The following NOS1AP variants were observed in gnomAD, a reference collection of about 807,000 sequenced individuals.
NOS1AP encodes carboxyl-terminal PDZ ligand of neuronal nitric oxide synthase protein.
In NOS1AP, 21 loss-of-function variants were observed where a neutral mutation model predicts 56.2. That is an observed-to-expected ratio of 0.37 (90% CI 0.26 to 0.54). The LOEUF is 0.54. Among genes scored for constraint, NOS1AP ranks in the 20% least tolerant of loss-of-function variants. NOS1AP has a pLI of 0.84. For synonymous variants in NOS1AP, 270 were observed against 274.6 expected (o/e 0.98, Z 0.17); for missense variants, 522 against 657.8 (o/e 0.79, Z 2.26).
chr1:162,221,532 G>A (rs867667264), intron 2 of NOS1AP, among the ~76,000 whole-genome samples: 6,525 of 132,744 alleles, frequency 0.049, 247 homozygotes, highest in African/African-American at 0.12. Flanking sequence ...ACACACACGC[G>A]CGCACACACA....
chr1:162,252,213 A>AT lies in NOS1AP; in HGVS notation c.178-35126dup, dbSNP rs530351339. Among the ~76,000 whole-genome samples, 417 of 151,942 alleles carry AT rather than the reference A, an allele frequency of 2.7e-3. 1 individual carries two copies. The highest frequency in any genetic ancestry group is 9.7e-3 in the African/African-American group (403 of 41,430). On this transcript the variant is annotated intron_variant, in intron 2 of 9. Transcript: ENST00000361897. ...AGGTGTGTGCTACCATGTCCAGCTA[A>AT]TTTTTGTATTTTTTATAGAGAGGAG... is the stretch of plus-strand genomic sequence containing the variant.
Position 162,141,024 on chromosome 1 carries a change from G to A in NOS1AP, c.106-13381G>A, listed in dbSNP as rs142591828. ...TGATTTAAGTTATTAAGCCTTTGTC[G>A]GATGCAAAGTTTGCAAATATTTACT... is the stretch of plus-strand genomic sequence containing the variant. On this transcript the variant is annotated intron_variant, in intron 1 of 9. Transcript: ENST00000361897. 5.8e-3 allele frequency among the ~76,000 whole-genome samples: 887 copies of A among 152,018 alleles called. 11 individuals are homozygous for A. Among genetic ancestry groups the A allele is most frequent in the African/African-American group, 0.021 (855 of 41,448 alleles).
At chr1:162,217,332 C>T (rs1163396268) in intron 2 of NOS1AP, among the ~76,000 whole-genome samples, 1 of 129,906 alleles carries the variant, frequency 7.7e-6, no homozygotes. Context: ...GGCACGATCT[C>T]GGCTCACTGC....
rs141331667 is a variant in NOS1AP, at chr1:162,369,188, G to A, written c.*1721G>A. 37 of 152,330 alleles carry A rather than the reference G, an allele frequency of 2.4e-4. No individual in the cohort carries two copies. The highest frequency in any genetic ancestry group is 8.7e-4 in the African/African-American group (36 of 41,568). 9.4% of individuals were successfully genotyped at this position (152,330 alleles called of 1,614,324 possible). On this transcript the variant is annotated 3_prime_UTR_variant, in exon 10 of 10. Transcript: ENST00000361897. ...GGAAAAGAACGAGGATCTCCAGGGT[G>A]TTTGAATCAGCAACAGATTTGTGTT... is the stretch of plus-strand genomic sequence containing the variant.
chr1:162,114,854 A>G (rs1332158421), intron 1 of NOS1AP, among the ~76,000 whole-genome samples: 1 of 152,142 alleles, frequency 6.6e-6, no homozygotes, highest in Middle Eastern at 3.2e-3. Flanking sequence ...CCGTGACTAA[A>G]TCGGAAGTTG....
At chr1:162,229,941 C>A (rs558959692) in intron 2 of NOS1AP, among the ~76,000 whole-genome samples, 1 of 151,878 alleles carries the variant, frequency 6.6e-6, no homozygotes, top group East Asian at 1.9e-4. Flanking sequence ...AGAAATCATA[C>A]CTGTAATTTG....
intron 1 of NOS1AP, among the ~76,000 whole-genome samples, chr1:162,102,149 G>T (rs1254279075): frequency 6.6e-6 from 1 of 152,064 alleles, no homozygotes; most frequent in Admixed American, 6.6e-5. Flanking sequence ...AGTTTTTAAC[G>T]TGAAGGTATG....
intron 3 of NOS1AP, among the ~76,000 whole-genome samples, chr1:162,289,492 T>TTTAGAC (rs1655216129): frequency 8.1e-6 from 1 of 123,498 alleles, no homozygotes; most frequent in African/African-American, 3.1e-5. Flanking sequence ...TTTTTTTTTT[T>TTTAGAC]GAGACGGAGT....
chr1:162,268,263 A>G (rs925017684), intron 2 of NOS1AP, among the ~76,000 whole-genome samples: 3 of 151,876 alleles, frequency 2.0e-5, no homozygotes, highest in Non-Finnish European at 2.9e-5. Context: ...ATAGGAAAAA[A>G]AAAAAAAAAG....
chr1:162,122,521 T>C (rs1160617846), intron 1 of NOS1AP, among the ~76,000 whole-genome samples: 3 of 151,846 alleles, frequency 2.0e-5, no homozygotes, highest in African/African-American at 7.2e-5. Context: ...TTTTTTTTTT[T>C]TTTTGAGACA....
At chr1:162,335,311 G>A (rs1225085090) in intron 5 of NOS1AP, among the ~76,000 whole-genome samples, 1 of 152,216 alleles carries the variant, frequency 6.6e-6, no homozygotes, top group Non-Finnish European at 1.5e-5. Context: ...GTCAGCCTGG[G>A]CGTTGAGCCC....
At chr1:162,311,538 A>G (rs1656026720) in intron 4 of NOS1AP, among the ~76,000 whole-genome samples, 1 of 150,782 alleles carries the variant, frequency 6.6e-6, no homozygotes, top group African/African-American at 2.4e-5. Context: ...TGTGTCCAAG[A>G]CCTTTCTTTT....
intron 1 of NOS1AP, among the ~76,000 whole-genome samples, chr1:162,093,512 T>C (rs913239369): frequency 6.6e-6 from 1 of 152,222 alleles, no homozygotes; most frequent in African/African-American, 2.4e-5. Flanking sequence ...TGTCTCTCTC[T>C]CAGGCTACAT....
chr1:162,351,970 A>G (rs1657512135), intron 6 of NOS1AP, among the ~76,000 whole-genome samples: 1 of 151,876 alleles, frequency 6.6e-6, no homozygotes, highest in Non-Finnish European at 1.5e-5. Flanking sequence ...AATGAAGTGC[A>G]CCTTTGCAGC....
intron 2 of NOS1AP, among the ~76,000 whole-genome samples, chr1:162,279,352 C>T (rs1032191225): frequency 1.3e-5 from 2 of 152,186 alleles, no homozygotes; most frequent in African/African-American, 2.4e-5. Flanking sequence ...GTACACAGTC[C>T]GAGATTGCTT....
At chr1:162,254,062 G>A (rs1384340273) in intron 2 of NOS1AP, among the ~76,000 whole-genome samples, 1 of 152,128 alleles carries the variant, frequency 6.6e-6, no homozygotes, top group Non-Finnish European at 1.5e-5. Flanking sequence ...TGTACTTTAA[G>A]AATCATTTTC....
At chr1:162,196,177 G>GT (rs768558546) in intron 2 of NOS1AP, among the ~76,000 whole-genome samples, 8 of 152,266 alleles carry the variant, frequency 5.3e-5, no homozygotes, top group Non-Finnish European at 1.0e-4. Flanking sequence ...CTTTCCCCCA[G>GT]TCATGTTTGG....
chr1:162,162,534 C>T (rs774002465), intron 2 of NOS1AP, among the ~76,000 whole-genome samples: 1 of 152,184 alleles, frequency 6.6e-6, no homozygotes, highest in Non-Finnish European at 1.5e-5. Context: ...CTGAGTATCA[C>T]CCTGTGTATT....
Position 162,110,309 on chromosome 1 carries a change from T to TTTTTTTTTTTTTTTTTTGAG in NOS1AP, c.105+40027_105+40028insTTTTTTTTTTTTTTTTTGAG, listed in dbSNP as rs1260546729. ...ACATGTTCACCAGCCAAATAACTTT[T>TTTTTTTTTTTTTTTTTTGAG]AACATGCCCAAGGAAATGAACACAG... On this transcript the variant is annotated intron_variant, in intron 1 of 9. Coordinates refer to ENST00000361897, the MANE Select transcript of NOS1AP (RefSeq NM_014697.3). Among the ~76,000 whole-genome samples, 5 of 151,370 alleles carry TTTTTTTTTTTTTTTTTTGAG rather than the reference T, an allele frequency of 3.3e-5. No homozygotes were observed. The East Asian group carries it at 9.7e-4, about 29-fold the overall frequency.
Sources: gnomAD v4.1 joint callset for allele counts (sites outside exome capture counted in the v4.1 genomes callset) on GRCh38, gnomAD v4.1.1 for gene constraint, MANE v1.5 for transcripts, NCBI Gene and HGNC (gene_info 2026-07-23, HGNC 2026-07-21) for gene names.